Variants in FBXW11 observed in about 807,000 individuals in gnomAD.
FBXW11 encodes the protein F-box/WD repeat-containing protein 11.
Under a neutral mutation model 77.6 loss-of-function variants are expected in FBXW11, and 19 were observed. The observed-to-expected ratio is 0.24, with a 90% CI of 0.17 to 0.36. FBXW11 has a LOEUF of 0.36. Among genes scored for constraint, FBXW11 ranks in the 10% least tolerant of loss-of-function variants. FBXW11 has a pLI of 1.00. For missense variants in FBXW11, 334 were observed against 704.2 expected (o/e 0.47, Z 5.95); for synonymous variants, 235 against 249.4 (o/e 0.94, Z 0.54).
At chr5:171,938,242 T>A (rs1186509520) in intron 2 of FBXW11, among the ~76,000 whole-genome samples, 1 of 152,150 alleles carries the variant, frequency 6.6e-6, no homozygotes, top group African/African-American at 2.4e-5. Context: ...ATTTTTATAT[T>A]TTGTAGAGAC....
intron 2 of FBXW11, among the ~76,000 whole-genome samples, chr5:171,945,742 C>A (rs1762975958): frequency 6.6e-6 from 1 of 152,210 alleles, no homozygotes; most frequent in South Asian, 2.1e-4. Flanking sequence ...GTCCAAATCA[C>A]CGCTGACTAA....
chr5:171,921,903 T>A (rs955467524), intron 2 of FBXW11, among the ~76,000 whole-genome samples: 2 of 152,082 alleles, frequency 1.3e-5, no homozygotes, highest in African/African-American at 2.4e-5. Context: ...AACACCCAAC[T>A]AATTTTTTAA....
chr5:171,940,690 C>G (rs1762705452), intron 2 of FBXW11, among the ~76,000 whole-genome samples: 1 of 152,118 alleles, frequency 6.6e-6, no homozygotes, highest in Admixed American at 6.6e-5. Context: ...GAGTTCGAGA[C>G]CAGCCTGACC....
chr5:171,970,668 CAG>C (rs1472846550), intron 1 of FBXW11, among the ~76,000 whole-genome samples: 6 of 152,144 alleles, frequency 3.9e-5, no homozygotes, highest in African/African-American at 9.7e-5. Flanking sequence ...TACGCCCACA[CAG>C]AGATTTGGAA....
chr5:171,958,174 C>G (rs1192439271), intron 1 of FBXW11, among the ~76,000 whole-genome samples: 3 of 152,054 alleles, frequency 2.0e-5, no homozygotes, highest in African/African-American at 7.2e-5. Context: ...GTAAGGAAAC[C>G]GAGGCTCAAA....
chr5:172,006,263 G>A (rs1429422876), intron 1 of FBXW11, among the ~76,000 whole-genome samples, 195 bp downstream of exon 1: 1 of 152,194 alleles, frequency 6.6e-6, no homozygotes. Flanking sequence ...AGGGGGCCGG[G>A]CCAGGACCGG....
In FBXW11 at chr5:171,893,421, C is replaced by CAAAAAAAAAAAAAAAAAAAAAA. The variant is rs397999920; in HGVS notation, c.715-1839_715-1818dup. On this transcript the variant is annotated intron_variant, in intron 6 of 13. Coordinates refer to ENST00000517395, the MANE Select transcript of FBXW11 (RefSeq NM_001378974.1). ...GACATACAAAAGCACACTTCAAAACCAAAAAAAAAAAAAAAAAAAAAAAAA... is the reference window on the plus strand; with the variant it reads ...GACATACAAAAGCACACTTCAAAACCAAAAAAAAAAAAAAAAAAAAAAAAAAAAAAAAAAAAAAAAAAAAAAA... 2.7e-3 allele frequency among the ~76,000 whole-genome samples: 107 copies of CAAAAAAAAAAAAAAAAAAAAAA among 39,840 alleles called. 31 individuals carry two copies. The highest frequency in any genetic ancestry group is 3.6e-3 in the Non-Finnish European group (80 of 22,468). 26.1% of individuals were successfully genotyped at this position (39,840 alleles called of 152,430 possible).
At chr5:171,962,733 A>G (rs1174649911) in intron 1 of FBXW11, among the ~76,000 whole-genome samples, 2 of 152,174 alleles carry the variant, frequency 1.3e-5, no homozygotes, top group South Asian at 2.1e-4. Flanking sequence ...TCAAAAGGAA[A>G]AAGTGGTTGC....
intron 13 of FBXW11, among the ~76,000 whole-genome samples, chr5:171,867,403 AT>A (rs1314098226): frequency 3.3e-5 from 5 of 151,896 alleles, no homozygotes; most frequent in African/African-American, 4.8e-5. Flanking sequence ...AATTCTTTTA[AT>A]TTTTTTAAGC....
At chr5:171,989,258 G>A (rs1581084099) in intron 1 of FBXW11, among the ~76,000 whole-genome samples, 1 of 152,236 alleles carries the variant, frequency 6.6e-6, no homozygotes, top group Non-Finnish European at 1.5e-5. Context: ...AAACCAATGA[G>A]TGAAAGGCTG....
chr5:171,864,753 C>T (rs1757278553), intron 13 of FBXW11, among the ~76,000 whole-genome samples: 2 of 152,108 alleles, frequency 1.3e-5, no homozygotes, highest in South Asian at 4.1e-4. Flanking sequence ...ACAATTTCTA[C>T]ATTCATCATG....
intron 2 of FBXW11, among the ~76,000 whole-genome samples, chr5:171,955,153 A>T (rs1277160100): frequency 1.3e-5 from 2 of 152,236 alleles, no homozygotes; most frequent in Non-Finnish European, 2.9e-5. Context: ...CGATGGTAGA[A>T]ACTTCCGGAA....
At chr5:171,872,708 C>G (rs1757829505) in intron 10 of FBXW11, among the ~76,000 whole-genome samples, 164 bp downstream of exon 10, 1 of 152,200 alleles carries the variant, frequency 6.6e-6, no homozygotes, top group Non-Finnish European at 1.5e-5. Flanking sequence ...ACGGTTTTCC[C>G]ACTTGAGTAT....
At chr5:171,905,973 G>A (rs1208694529) in intron 4 of FBXW11, among the ~76,000 whole-genome samples, 1 of 152,134 alleles carries the variant, frequency 6.6e-6, no homozygotes, top group Non-Finnish European at 1.5e-5. Flanking sequence ...AAGACATGCT[G>A]CTGTTGTTAA....
intron 10 of FBXW11, among the ~76,000 whole-genome samples, chr5:171,872,217 C>T (rs1333981055): frequency 6.6e-6 from 1 of 152,064 alleles, no homozygotes; most frequent in African/African-American, 2.4e-5. Context: ...CTTTAAAAAA[C>T]AAAAAACTTT....
At chr5:172,003,867 C>G (rs1340172412) in intron 1 of FBXW11, among the ~76,000 whole-genome samples, 2 of 152,178 alleles carry the variant, frequency 1.3e-5, no homozygotes, top group African/African-American at 4.8e-5. Context: ...TCTGTTTCCT[C>G]TTTTTAATAC....
intron 1 of FBXW11, among the ~76,000 whole-genome samples, chr5:171,985,465 A>T (rs1333878103): frequency 6.6e-6 from 1 of 152,164 alleles, no homozygotes; most frequent in East Asian, 1.9e-4. Flanking sequence ...TCTAAAAAAA[A>T]TTATAAAAAT....
chr5:171,997,116 A>G, intron 1 of FBXW11: 1 of 1,247,738 alleles, frequency 8.0e-7, no homozygotes, highest in South Asian at 1.2e-5. Context: ...ACAGCCTCCA[A>G]GAAATGGAAG....
Position 171,904,824 on chromosome 5 carries a change from C to A in FBXW11, c.437-4724G>T, listed in dbSNP as rs1760368955. 6.6e-6 allele frequency among the ~76,000 whole-genome samples: 1 copy of A among 152,082 alleles called. No individual in the cohort carries two copies. The highest frequency in any genetic ancestry group is 1.5e-5 in the Non-Finnish European group (1 of 68,008). ...TGACCTCATGATCCACCCAACTCGGCCTCCCAAAGTGCTGGGATTACAGGT... is the reference window on the plus strand; with the variant it reads ...TGACCTCATGATCCACCCAACTCGGACTCCCAAAGTGCTGGGATTACAGGT... On this transcript the variant is annotated intron_variant, in intron 4 of 13. Transcript: ENST00000517395. The surrounding 1 kb of genome is among the most constrained non-coding windows in gnomAD (Gnocchi z 4.0).
Sources: gnomAD v4.1 joint callset for allele counts (sites outside exome capture counted in the v4.1 genomes callset) on GRCh38, gnomAD v4.1.1 for gene constraint, Gnocchi (gnomAD v3.1) non-coding constraint, MANE v1.5 for transcripts, NCBI Gene and HGNC (gene_info 2026-07-23, HGNC 2026-07-21) for gene names.